Variants in NOL4 observed in about 807,000 individuals in gnomAD.
NOL4 encodes nucleolar protein 4.
NOL4 carries 17 observed loss-of-function variants against 75.9 expected under a neutral mutation model. That is an observed-to-expected ratio of 0.22 (90% CI 0.15 to 0.34). NOL4 has a LOEUF of 0.34. NOL4 is among the 10% of genes least tolerant of loss of function. The pLI is 1.00. For synonymous variants in NOL4, 292 were observed against 289.9 expected, an observed-to-expected ratio of 1.01 and a Z score of -0.07; for missense variants, 614 against 793.5, an observed-to-expected ratio of 0.77 and a Z score of 2.72.
intron 1 of NOL4, among the ~76,000 whole-genome samples, chr18:34,139,518 G>A (rs1272173389): frequency 6.6e-6 from 1 of 152,088 alleles, no homozygotes; most frequent in Non-Finnish European, 1.5e-5. Context: ...GGGATCAGTG[G>A]TGATCTCCCC....
At chr18:33,901,520 A>G (rs922671738) in intron 9 of NOL4, among the ~76,000 whole-genome samples, 2 of 152,126 alleles carry the variant, frequency 1.3e-5, no homozygotes, top group African/African-American at 4.8e-5. Flanking sequence ...GTAATTTAAA[A>G]TCTTAAAATT....
At chr18:33,880,817 GTT>G (rs912643565) in intron 10 of NOL4, among the ~76,000 whole-genome samples, 31 of 144,858 alleles carry the variant, frequency 2.1e-4, no homozygotes, top group Non-Finnish European at 4.0e-4. Flanking sequence ...CTCTAGTTGA[GTT>G]TTTTTTTTTT....
intron 10 of NOL4, 47 bp downstream of exon 10, chr18:33,883,197 A>C: frequency 1.4e-6 from 2 of 1,432,600 alleles, no homozygotes; most frequent in East Asian, 2.3e-5. Flanking sequence ...CCTAAAACTT[A>C]AAGTATAATA....
At chr18:33,939,531 T>C (rs1344046899) in intron 9 of NOL4, among the ~76,000 whole-genome samples, 1 of 152,086 alleles carries the variant, frequency 6.6e-6, no homozygotes, top group Admixed American at 6.6e-5. Context: ...ATTGTCTTTA[T>C]AGCAATTGTG....
chr18:34,069,245 G>A (rs1254810591), intron 5 of NOL4, among the ~76,000 whole-genome samples: 3 of 152,124 alleles, frequency 2.0e-5, no homozygotes, highest in Non-Finnish European at 4.4e-5. Flanking sequence ...AAAAGTGTCT[G>A]AAATTAAAAT....
intron 6 of NOL4, among the ~76,000 whole-genome samples, chr18:33,999,305 A>C (rs1600202621): frequency 1.3e-5 from 2 of 151,824 alleles, no homozygotes; most frequent in African/African-American, 2.4e-5. Context: ...GTTCCATCAC[A>C]CCTGGCTAGA....
At chr18:34,185,406 T>A (rs2034381328) in intron 1 of NOL4, among the ~76,000 whole-genome samples, 1 of 152,088 alleles carries the variant, frequency 6.6e-6, no homozygotes, top group Admixed American at 6.6e-5. Flanking sequence ...TCTGTGCACA[T>A]CATGAGGTGT....
At chr18:34,193,662 T>C (rs1476124732) in intron 1 of NOL4, among the ~76,000 whole-genome samples, 1 of 152,024 alleles carries the variant, frequency 6.6e-6, no homozygotes, top group East Asian at 1.9e-4. Flanking sequence ...ACAGCTATTA[T>C]AAAAAATATG....
chr18:34,051,556 AG>A (rs199978933), intron 5 of NOL4, among the ~76,000 whole-genome samples: 2,358 of 152,260 alleles, frequency 0.015, 46 homozygotes, highest in Non-Finnish European at 0.018. Context: ...ATCACTTATT[AG>A]AAAATTGATT....
chr18:33,896,753 A>G (rs142797431), intron 9 of NOL4, among the ~76,000 whole-genome samples: 2,912 of 152,304 alleles, frequency 0.019, 41 homozygotes, highest in Middle Eastern at 0.051. Context: ...TCACAACAAA[A>G]GCAAAAATTG....
intron 1 of NOL4, chr18:34,156,996 C>A (rs1476160050): frequency 6.6e-6 from 1 of 152,150 alleles, no homozygotes; most frequent in Non-Finnish European, 1.5e-5. Flanking sequence ...GGCCCTCCCC[C>A]ACTGCAGGAT....
intron 6 of NOL4, among the ~76,000 whole-genome samples, chr18:33,962,626 T>C (rs573910918): frequency 6.6e-6 from 1 of 152,222 alleles, no homozygotes; most frequent in African/African-American, 2.4e-5. Flanking sequence ...ATTTTAAAAA[T>C]CAGCATAATA....
chr18:34,029,610 C>T (rs192511928), intron 5 of NOL4, among the ~76,000 whole-genome samples: 1 of 152,242 alleles, frequency 6.6e-6, no homozygotes, highest in East Asian at 1.9e-4. Flanking sequence ...CCTTTCCAGG[C>T]TATGAGCTTA....
At chr18:34,200,157 A>T (rs556406705) in intron 1 of NOL4, among the ~76,000 whole-genome samples, 1 of 151,804 alleles carries the variant, frequency 6.6e-6, no homozygotes. Context: ...AACTACTACT[A>T]TGAGGAAAAG....
In NOL4 at chr18:34,057,916, G is replaced by A. The variant is rs932482292; in HGVS notation, c.772+35549C>T. ...ACTTCATGGATTTAAAAAATGCAGAGCATGATTTCAGGAATTGTAAATGAC... is the reference window on the plus strand; with the variant it reads ...ACTTCATGGATTTAAAAAATGCAGAACATGATTTCAGGAATTGTAAATGAC... On this transcript the variant is annotated intron_variant, in intron 5 of 10. Transcript: ENST00000261592. Among the ~76,000 whole-genome samples, 2 of 152,168 alleles carry A rather than the reference G, an allele frequency of 1.3e-5. 1 individual carries two copies. The highest frequency in any genetic ancestry group is 4.1e-4 in the South Asian group (2 of 4,822).
At chr18:33,981,058 T>C (rs921407463) in intron 6 of NOL4, among the ~76,000 whole-genome samples, 2 of 152,004 alleles carry the variant, frequency 1.3e-5, no homozygotes, top group Non-Finnish European at 2.9e-5. Flanking sequence ...TTGTAACAGA[T>C]ACTAAGAATG....
In NOL4 at chr18:34,223,050, G is replaced by T; in HGVS notation, c.204C>A (p.Asp68Glu). 6.2e-7 allele frequency: 1 copy of T among 1,613,654 alleles called. No homozygotes were observed. Among genetic ancestry groups the T allele is most frequent in the Non-Finnish European group, 8.5e-7 (1 of 1,180,004 alleles). Residue 68 changes from aspartate to glutamate, a missense_variant, in exon 1 of 11, where the codon GAC (aspartate) becomes GAA (glutamate). Asp to Glu is a conservative substitution (Grantham distance 45). Coordinates refer to ENST00000261592, the MANE Select transcript of NOL4 (RefSeq NM_003787.5). ...CGCCGCCGCCTCCCCCGCGGACCTC[G>T]TCCGGCTGGCCCAGCTGGAAGCCCT... is the stretch of plus-strand genomic sequence containing the variant. ...KSKGFQLGQP[D>E]EVRGGGGGAK...
At chr18:33,979,482 T>G (rs1183152589) in intron 6 of NOL4, among the ~76,000 whole-genome samples, 6 of 152,038 alleles carry the variant, frequency 3.9e-5, no homozygotes, top group Admixed American at 3.9e-4. Context: ...TCTAGTTAAG[T>G]GCAAAATAAT....
At chr18:34,182,261 C>T (rs915009575) in intron 1 of NOL4, among the ~76,000 whole-genome samples, 2 of 151,518 alleles carry the variant, frequency 1.3e-5, no homozygotes, top group African/African-American at 4.8e-5. Flanking sequence ...CTATAACATG[C>T]CTGAAACTTG....
Sources: allele counts gnomAD v4.1 joint callset (sites outside exome capture counted in the v4.1 genomes callset), GRCh38; gene constraint gnomAD v4.1.1; transcripts MANE v1.5; gene names NCBI Gene and HGNC (gene_info 2026-07-23, HGNC 2026-07-21).